TTC28: variants seen among roughly 807,000 people sequenced by gnomAD.
The protein encoded by TTC28 is tetratricopeptide repeat protein 28.
A neutral mutation model predicts 198.0 loss-of-function variants in TTC28; 61 were observed. The observed-to-expected ratio is 0.31, with a 90% CI of 0.25 to 0.38. The LOEUF (loss-of-function observed/expected upper bound fraction) is 0.38, where lower values mean the gene tolerates loss of function less well. Among genes scored for constraint, TTC28 ranks in the 10% least tolerant of loss-of-function variants. TTC28 has a pLI of 1.00. For synonymous variants in TTC28, 1,171 were observed against 1,297.8 expected, an observed-to-expected ratio of 0.90 and a Z score of 2.10; for missense variants, 2,678 against 3,164.0, an observed-to-expected ratio of 0.85 and a Z score of 3.69.
chr22:28,062,397 A>T (rs373167873), intron 12 of TTC28, among the ~76,000 whole-genome samples: 36 of 117,592 alleles, frequency 3.1e-4, no homozygotes, highest in East Asian at 2.1e-3. Flanking sequence ...TGCCCTGTGG[A>T]TTGTTTTTAA....
intron 2 of TTC28, among the ~76,000 whole-genome samples, chr22:28,418,629 A>T (rs1427516732): frequency 6.6e-6 from 1 of 152,352 alleles, no homozygotes. Context: ...AGAGGCACAC[A>T]GAGAGAAAGA....
At chr22:28,676,680 A>C (rs1166439653) in intron 1 of TTC28, among the ~76,000 whole-genome samples, 1 of 151,170 alleles carries the variant, frequency 6.6e-6, no homozygotes, top group Middle Eastern at 3.2e-3. Flanking sequence ...ATATATGCAT[A>C]TTTTGTCCAG....
intron 2 of TTC28, among the ~76,000 whole-genome samples, chr22:28,597,008 G>A (rs1026406666): frequency 2.6e-5 from 4 of 152,114 alleles, no homozygotes; most frequent in Non-Finnish European, 4.4e-5. Flanking sequence ...GGAGGATATA[G>A]GTACCACAGA....
At chr22:28,555,201 T>A (rs1031146843) in intron 2 of TTC28, among the ~76,000 whole-genome samples, 1 of 152,208 alleles carries the variant, frequency 6.6e-6, no homozygotes, top group Non-Finnish European at 1.5e-5. Flanking sequence ...TAATAGATGT[T>A]GGCATGGATG....
rs575947129 is a variant in TTC28 at position 28,088,355 on chromosome 22, G to A, written c.3932+5725C>T. Among the ~76,000 whole-genome samples, 132 of 152,112 alleles carry A rather than the reference G, an allele frequency of 8.7e-4. 1 individual carries two copies. Among genetic ancestry groups the A allele is most frequent in the African/African-American group, 2.8e-3 (118 of 41,520 alleles). ...ACAGAACAGAGCCCTCAGAAATAAC[G>A]CCGCATATCTACAACTATCTGATCT... is the stretch of plus-strand genomic sequence containing the variant. On this transcript the variant is annotated intron_variant, in intron 12 of 22. Coordinates refer to ENST00000397906, the MANE Select transcript of TTC28 (RefSeq NM_001145418.2).
intron 13 of TTC28, among the ~76,000 whole-genome samples, chr22:28,016,410 A>G (rs1220258643): frequency 6.6e-6 from 1 of 152,230 alleles, no homozygotes; most frequent in Non-Finnish European, 1.5e-5. Context: ...TGGTTACCAC[A>G]CACACGTGTT....
chr22:28,273,805 A>C (rs1398057572), intron 5 of TTC28, among the ~76,000 whole-genome samples: 3 of 152,186 alleles, frequency 2.0e-5, no homozygotes, highest in Admixed American at 6.5e-5. Flanking sequence ...ATTTTACAGT[A>C]AAAGTGTGGA....
chr22:28,099,607 T>A (rs1485558636), intron 9 of TTC28, among the ~76,000 whole-genome samples: 1 of 152,166 alleles, frequency 6.6e-6, no homozygotes, highest in African/African-American at 2.4e-5. Flanking sequence ...TAAATTACAG[T>A]TTATATAATC....
At chr22:28,597,977 C>A (rs947367639) in intron 2 of TTC28, among the ~76,000 whole-genome samples, 1 of 151,952 alleles carries the variant, frequency 6.6e-6, no homozygotes, top group Admixed American at 6.6e-5. Flanking sequence ...ATCCTCCAGC[C>A]TCAGCCTCCC....
At chr22:28,263,142 G>A (rs1160698121) in intron 5 of TTC28, among the ~76,000 whole-genome samples, 1 of 152,022 alleles carries the variant, frequency 6.6e-6, no homozygotes, top group Non-Finnish European at 1.5e-5. Flanking sequence ...ATGAATAAGA[G>A]ACAAATGACA....
At chr22:28,345,301 A>G (rs2045888215) in intron 2 of TTC28, among the ~76,000 whole-genome samples, 3 of 152,196 alleles carry the variant, frequency 2.0e-5, no homozygotes, top group Admixed American at 1.3e-4. Flanking sequence ...CTAGACCCCC[A>G]AAATAAAAAC....
At chr22:28,135,650 G>C (rs1279341341) in intron 6 of TTC28, among the ~76,000 whole-genome samples, 1 of 152,212 alleles carries the variant, frequency 6.6e-6, no homozygotes, top group African/African-American at 2.4e-5. Flanking sequence ...ATTTCAGACA[G>C]TGGAGAAGTA....
At chr22:28,094,521 T>C (rs1160253690) in intron 11 of TTC28, among the ~76,000 whole-genome samples, 1 of 152,192 alleles carries the variant, frequency 6.6e-6, no homozygotes, top group African/African-American at 2.4e-5. Flanking sequence ...GACTACTTCA[T>C]ATGTGTTTCA....
At chr22:28,523,280 A>G (rs569981578) in intron 2 of TTC28, among the ~76,000 whole-genome samples, 6 of 152,394 alleles carry the variant, frequency 3.9e-5, no homozygotes, top group African/African-American at 1.4e-4. Flanking sequence ...TTTAATAGAA[A>G]TAATTAAGAA....
intron 2 of TTC28, among the ~76,000 whole-genome samples, chr22:28,425,603 C>T (rs1030346986): frequency 1.3e-5 from 2 of 152,124 alleles, no homozygotes; most frequent in African/African-American, 4.8e-5. Context: ...ATCAATAAAC[C>T]AATGGATTCA....
intron 12 of TTC28, among the ~76,000 whole-genome samples, chr22:28,055,114 A>G (rs536061194): frequency 6.6e-6 from 1 of 152,338 alleles, no homozygotes; most frequent in Non-Finnish European, 1.5e-5. Flanking sequence ...TTTATTAGAC[A>G]GTACTGAGTT....
At chr22:28,004,901 A>G (rs1937874056) in intron 14 of TTC28, among the ~76,000 whole-genome samples, 1 of 152,208 alleles carries the variant, frequency 6.6e-6, no homozygotes, top group Non-Finnish European at 1.5e-5. Flanking sequence ...ATTCAAGGAA[A>G]CACTATTCAG....
chr22:28,223,396 T>C (rs1484919929), intron 5 of TTC28, among the ~76,000 whole-genome samples: 2 of 152,192 alleles, frequency 1.3e-5, no homozygotes, highest in African/African-American at 2.4e-5. Flanking sequence ...AAAGAAGAAA[T>C]TGAAATTGAG....
chr22:28,572,052 A>G (rs1386287109), intron 2 of TTC28, among the ~76,000 whole-genome samples: 1 of 151,342 alleles, frequency 6.6e-6, no homozygotes, highest in African/African-American at 2.4e-5. Context: ...AGAATTGCTC[A>G]GCCCAGAGCG....
Sources: allele counts gnomAD v4.1 joint callset (sites outside exome capture counted in the v4.1 genomes callset), GRCh38; gene constraint gnomAD v4.1.1; transcripts MANE v1.5; gene names NCBI Gene and HGNC (gene_info 2026-07-23, HGNC 2026-07-21).